The following GARIN2 variants were observed in gnomAD, a reference collection of about 807,000 sequenced individuals.
GARIN2 encodes golgi associated RAB2 interactor family member 2.
At chr14:67,199,234 T>C in the GARIN2 span, 2 of 1,602,660 alleles carry the variant, frequency 1.2e-6, no homozygotes, top group Non-Finnish European at 8.5e-7. Context: ...GGCTATGACT[T>C]TGTGAATTCT....
At chr14:67,217,855 T>C in the GARIN2 span, among the ~76,000 whole-genome samples, 1 of 152,230 alleles carries the variant, frequency 6.6e-6, no homozygotes, top group Admixed American at 6.5e-5. Flanking sequence ...GGAAGTGTCA[T>C]GTATCCTGTG....
At chr14:67,203,262 TCTC>T in the GARIN2 span, 3 of 1,602,476 alleles carry the variant, frequency 1.9e-6, no homozygotes, top group Non-Finnish European at 2.6e-6. Context: ...TCTCCTGACA[TCTC>T]CTCCTGCAGA....
the GARIN2 span, chr14:67,208,096 C>A: frequency 1.3e-6 from 2 of 1,483,786 alleles, no homozygotes; most frequent in Non-Finnish European, 1.8e-6. Context: ...CACGGGTGCT[C>A]AGTGACGATG....
At chr14:67,201,304 C>CAAAT in the GARIN2 span, 1 of 348,552 alleles carries the variant, frequency 2.9e-6, no homozygotes, top group Non-Finnish European at 5.6e-6. Context: ...TAAAAACAAA[C>CAAAT]AAATAAATAT....
the GARIN2 span, chr14:67,201,546 G>C: frequency 2.2e-5 from 10 of 455,712 alleles, no homozygotes; most frequent in Non-Finnish European, 2.6e-5. Flanking sequence ...ACGTTTTCCA[G>C]GGTTGGAGGA....
chr14:67,202,480 A>G, the GARIN2 span, among the ~76,000 whole-genome samples: 1 of 152,194 alleles, frequency 6.6e-6, no homozygotes, highest in Non-Finnish European at 1.5e-5. Flanking sequence ...TTATAAACTT[A>G]CATTATATCT....
chr14:67,213,180 A>T, the GARIN2 span, among the ~76,000 whole-genome samples: 4 of 146,956 alleles, frequency 2.7e-5, no homozygotes, highest in Non-Finnish European at 4.5e-5. Flanking sequence ...TATTATTATT[A>T]TACTTTAAGT....
At chr14:67,198,427 G>A in the GARIN2 span, 5 of 1,030,948 alleles carry the variant, frequency 4.8e-6, no homozygotes, top group Admixed American at 6.7e-5. Context: ...CCGAGGGAAT[G>A]TGTGATACTA....
chr14:67,221,832 T>C, the GARIN2 span: 8 of 1,611,244 alleles, frequency 5.0e-6, no homozygotes, highest in South Asian at 7.8e-5. Flanking sequence ...CCACTACATG[T>C]TTTATTGTGA....
the GARIN2 span, among the ~76,000 whole-genome samples, chr14:67,208,635 A>C: frequency 1.3e-4 from 20 of 152,262 alleles, no homozygotes; most frequent in East Asian, 1.5e-3. Context: ...GCTAATTTTT[A>C]TTTTCATGGC....
chr14:67,194,039 CA>C, the GARIN2 span, among the ~76,000 whole-genome samples: 4 of 149,858 alleles, frequency 2.7e-5, no homozygotes, highest in African/African-American at 9.8e-5. Context: ...AGACATATAC[CA>C]AAACTTGAAT....
chr14:67,221,693 A>G, the GARIN2 span: 3 of 1,560,010 alleles, frequency 1.9e-6, no homozygotes, highest in East Asian at 7.0e-5. Flanking sequence ...TTAAAGAATG[A>G]CCGGTTATTT....
the GARIN2 span, among the ~76,000 whole-genome samples, chr14:67,195,196 G>A: frequency 2.0e-5 from 3 of 152,190 alleles, no homozygotes; most frequent in Non-Finnish European, 4.4e-5. Context: ...TGATAAAAGA[G>A]CCTGTTAACA....
chr14:67,204,661 A>G, the GARIN2 span: 3 of 1,613,874 alleles, frequency 1.9e-6, no homozygotes, highest in South Asian at 1.1e-5. Flanking sequence ...TAAACAGGAC[A>G]CCTTGTTTTC....
At chr14:67,223,141 A>G in the GARIN2 span, among the ~76,000 whole-genome samples, 1 of 152,034 alleles carries the variant, frequency 6.6e-6, no homozygotes, top group Non-Finnish European at 1.5e-5. Flanking sequence ...CTGGGATTAC[A>G]AGCACCCGCC....
At chr14:67,219,952 G>A in the GARIN2 span, among the ~76,000 whole-genome samples, 4 of 152,186 alleles carry the variant, frequency 2.6e-5, no homozygotes, top group Non-Finnish European at 4.4e-5. Flanking sequence ...AGTCTAATTT[G>A]AGAATGTTAA....
At chr14:67,224,052 C>A in the GARIN2 span, 1 of 914,860 alleles carries the variant, frequency 1.1e-6, no homozygotes, top group Non-Finnish European at 1.3e-6. Context: ...CACATTCACC[C>A]AGCAATGCTA....
chr14:67,221,635 CAA>C, the GARIN2 span: 2 of 1,198,340 alleles, frequency 1.7e-6, no homozygotes, highest in Non-Finnish European at 2.3e-6. Context: ...CTATAATCAG[CAA>C]TGGCCTAGGT....
chr14:67,208,974 T>C, the GARIN2 span, among the ~76,000 whole-genome samples: 10 of 151,458 alleles, frequency 6.6e-5, no homozygotes, highest in South Asian at 1.0e-3. Context: ...CAAAGATTTA[T>C]GATGTACCAT....
Sources: gnomAD v4.1 joint callset for allele counts (sites outside exome capture counted in the v4.1 genomes callset) on GRCh38, gnomAD v4.1.1 for gene constraint, MANE v1.5 for transcripts, NCBI Gene and HGNC (gene_info 2026-07-23, HGNC 2026-07-21) for gene names.